TLE1: variants seen among roughly 807,000 people sequenced by gnomAD.
TLE1 encodes TLE family member 1, transcriptional corepressor, also known as transducin-like enhancer protein 1.
Under a neutral mutation model 89.8 loss-of-function variants are expected in TLE1, and 21 were observed. That is an observed-to-expected ratio of 0.23 (90% CI 0.17 to 0.34). The LOEUF is 0.34. TLE1 is among the 10% of genes least tolerant of loss of function. TLE1 has a pLI of 1.00. For synonymous variants in TLE1, 447 were observed against 407.6 expected, an observed-to-expected ratio of 1.10 and a Z score of -1.16; for missense variants, 795 against 1,031.2, an observed-to-expected ratio of 0.77 and a Z score of 3.14.
rs561826342 is a variant in TLE1 at position 81,649,716 on chromosome 9, C to T, written c.372+2498G>A. On this transcript the variant is annotated intron_variant, in intron 6 of 19. Coordinates refer to ENST00000376499, the MANE Select transcript of TLE1 (RefSeq NM_005077.5). ...AACCAGGCTGCATTTACTCTGCGCG[C>T]AGCTGCTGCTTGTAGGAACAGACAG... Among the ~76,000 whole-genome samples, 4 of 152,294 alleles carry T rather than the reference C, an allele frequency of 2.6e-5. No individual in the cohort carries two copies. In the South Asian group the frequency reaches 8.3e-4, roughly 32 times the overall value.
At chr9:81,666,474 G>C (rs931329788) in intron 4 of TLE1, among the ~76,000 whole-genome samples, 1 of 152,100 alleles carries the variant, frequency 6.6e-6, no homozygotes, top group African/African-American at 2.4e-5. Flanking sequence ...TTACAATTAT[G>C]AAACTAAAAT....
intron 14 of TLE1, among the ~76,000 whole-genome samples, chr9:81,594,196 T>C (rs757565583): frequency 5.3e-5 from 8 of 152,336 alleles, no homozygotes; most frequent in Non-Finnish European, 1.2e-4. Context: ...GCAAGATGAC[T>C]GGTGCTCCTA....
rs1181598695 is a variant in TLE1, at chr9:81,616,220, G to T, written c.766-86C>A. On this transcript the variant is annotated intron_variant, in intron 10 of 19. Coordinates refer to ENST00000376499, the MANE Select transcript of TLE1 (RefSeq NM_005077.5). ...TCCACACTCATTCTCTAAATTTAAG[G>T]ACAGAGCTGAAAGTCCTTCGGGTTG... is the stretch of plus-strand genomic sequence containing the variant. The T allele has an allele frequency of 5.3e-6, 8 of 1,507,542 alleles. No individual in the cohort carries two copies. In the East Asian group the frequency reaches 1.6e-4, roughly 30 times the overall value. The allele number at this position is 1,507,542 out of a possible 1,614,324, so 93.4% of individuals were successfully genotyped here.
chr9:81,674,999 A>G (rs1225263165), intron 4 of TLE1, among the ~76,000 whole-genome samples: 1 of 152,156 alleles, frequency 6.6e-6, no homozygotes, highest in Admixed American at 6.5e-5. Context: ...TACTGAAAAA[A>G]ATCAAAAAAT....
chr9:81,619,215 A>G (rs1372172571), intron 9 of TLE1, among the ~76,000 whole-genome samples: 1 of 152,200 alleles, frequency 6.6e-6, no homozygotes, highest in Non-Finnish European at 1.5e-5. Context: ...GGGGAGAATG[A>G]TATGTGCTAA....
intron 14 of TLE1, among the ~76,000 whole-genome samples, chr9:81,594,647 G>A (rs768812383): frequency 6.6e-6 from 1 of 152,068 alleles, no homozygotes; most frequent in Non-Finnish European, 1.5e-5. Context: ...TAAACAATAA[G>A]TGAAGTATGC....
At chr9:81,660,719 T>C (rs1010324031) in intron 4 of TLE1, among the ~76,000 whole-genome samples, 5 of 150,250 alleles carry the variant, frequency 3.3e-5, no homozygotes, top group Non-Finnish European at 3.0e-5. Flanking sequence ...CCCAGCTACA[T>C]GTATGTTTTA....
At chr9:81,633,268 A>C (rs1364356662) in intron 8 of TLE1, 80 bp downstream of exon 8, 1 of 1,592,864 alleles carries the variant, frequency 6.3e-7, no homozygotes, top group African/African-American at 1.4e-5. Flanking sequence ...CTGTGTGGAG[A>C]AGTGTTGTCA....
intron 4 of TLE1, among the ~76,000 whole-genome samples, chr9:81,656,497 G>A (rs1830164902): frequency 6.6e-6 from 1 of 152,100 alleles, no homozygotes. Flanking sequence ...TACATATACA[G>A]AAATATAAAA....
intron 8 of TLE1, among the ~76,000 whole-genome samples, chr9:81,627,549 A>C (rs762991990): frequency 3.9e-5 from 6 of 152,148 alleles, no homozygotes; most frequent in Non-Finnish European, 7.3e-5. Context: ...CTCAAAGAAG[A>C]ACCATTTTTT....
chr9:81,622,540 A>C (rs904117052), intron 8 of TLE1, among the ~76,000 whole-genome samples: 4 of 152,234 alleles, frequency 2.6e-5, no homozygotes, highest in Non-Finnish European at 5.9e-5. Flanking sequence ...TGTTAGAAAC[A>C]ATAACCTTTC....
intron 6 of TLE1, among the ~76,000 whole-genome samples, chr9:81,640,631 G>A (rs117985698): frequency 0.033 from 4,997 of 152,218 alleles, 113 homozygotes; most frequent in Non-Finnish European, 0.047. Context: ...AAGGAATAAA[G>A]CGATCTCATC....
chr9:81,633,338 G>A lies in TLE1; in HGVS notation c.594+10C>T. 6.2e-7 allele frequency: 1 copy of A among 1,608,734 alleles called. No homozygotes were observed. Among genetic ancestry groups the A allele is most frequent in the Non-Finnish European group, 8.5e-7 (1 of 1,177,388 alleles). ...GTGTGTGTGTGTGCAGCAGGCGTTTGAGTACTTACTGTGCCCGGCTCTCTG... is the reference window on the plus strand; with the variant it reads ...GTGTGTGTGTGTGCAGCAGGCGTTTAAGTACTTACTGTGCCCGGCTCTCTG... On this transcript the variant is annotated intron_variant, in intron 8 of 19. Coordinates refer to ENST00000376499, the MANE Select transcript of TLE1 (RefSeq NM_005077.5).
intron 10 of TLE1, among the ~76,000 whole-genome samples, chr9:81,616,340 T>C (rs1284629161): frequency 6.6e-6 from 1 of 151,688 alleles, no homozygotes; most frequent in Admixed American, 6.6e-5. Context: ...AACCCCGCAG[T>C]CATATCCCTC....
intron 8 of TLE1, among the ~76,000 whole-genome samples, chr9:81,626,936 C>A (rs1825975952): frequency 6.6e-6 from 1 of 152,158 alleles, no homozygotes; most frequent in Admixed American, 6.6e-5. Context: ...CAGCTCAGGA[C>A]CTAATCACAG....
chr9:81,644,039 G>A (rs79534805), intron 6 of TLE1, among the ~76,000 whole-genome samples: 274 of 152,266 alleles, frequency 1.8e-3, no homozygotes, highest in African/African-American at 6.4e-3. Context: ...AATCAAAAAC[G>A]GGAGATGCGG....
intron 8 of TLE1, among the ~76,000 whole-genome samples, chr9:81,630,015 A>G (rs1163736820): frequency 6.6e-6 from 1 of 152,134 alleles, no homozygotes; most frequent in Admixed American, 6.5e-5. Flanking sequence ...ACTACCTACC[A>G]ACCAGTTTTA....
intron 1 of TLE1, among the ~76,000 whole-genome samples, chr9:81,687,864 G>A (rs1834541167): frequency 6.6e-6 from 1 of 152,030 alleles, no homozygotes; most frequent in Non-Finnish European, 1.5e-5. Context: ...CACCGGAACC[G>A]GGGCCGCATT....
At chr9:81,594,148 C>T (rs970816109) in intron 14 of TLE1, among the ~76,000 whole-genome samples, 1 of 152,140 alleles carries the variant, frequency 6.6e-6, no homozygotes, top group African/African-American at 2.4e-5. Flanking sequence ...AGCATACTTG[C>T]CCTCTTCTCT....
Sources: allele counts gnomAD v4.1 joint callset (sites outside exome capture counted in the v4.1 genomes callset), GRCh38; gene constraint gnomAD v4.1.1; transcripts MANE v1.5; gene names NCBI Gene and HGNC (gene_info 2026-07-23, HGNC 2026-07-21).